EXT1: variants seen among roughly 807,000 people sequenced by gnomAD.
EXT1 encodes the protein exostosin-1.
EXT1 carries 20 observed loss-of-function variants against 82.5 expected under a neutral mutation model. The observed-to-expected ratio is 0.24, with a 90% CI of 0.17 to 0.35. The LOEUF (loss-of-function observed/expected upper bound fraction) is 0.35, where lower values mean the gene tolerates loss of function less well. Among genes scored for constraint, EXT1 ranks in the 10% least tolerant of loss-of-function variants. The probability of loss-of-function intolerance (pLI) is 1.00; values close to 1 mark genes in which losing one functional copy is unlikely to be tolerated. For synonymous variants in EXT1, 348 were observed against 350.8 expected (o/e 0.99, Z 0.09); for missense variants, 757 against 936.5 (o/e 0.81, Z 2.50).
Position 117,968,563 on chromosome 8 carries a change from T to TTTA in EXT1, c.963-131363_963-131362insTAA, listed in dbSNP as rs1469521557. On this transcript the variant is annotated intron_variant, in intron 1 of 10. Coordinates refer to ENST00000378204, the MANE Select transcript of EXT1 (RefSeq NM_000127.3). ...TTTATTTATTTATTTATTTTTTTTT[T>TTTA]TTTTTTTTTTTTTTTTTTTTTTTTG... 5.2e-4 allele frequency among the ~76,000 whole-genome samples: 5 copies of TTTA among 9,548 alleles called. No individual in the cohort carries two copies. In the East Asian group the frequency reaches 6.8e-3, roughly 13 times the overall value. 6.3% of individuals were successfully genotyped at this position (9,548 alleles called of 152,430 possible). A position where few individuals can be genotyped will look rare whatever the true frequency, so the allele number is the denominator to read the frequency against.
At chr8:117,979,691 C>T (rs931032499) in intron 1 of EXT1, among the ~76,000 whole-genome samples, 1 of 152,170 alleles carries the variant, frequency 6.6e-6, no homozygotes, top group Non-Finnish European at 1.5e-5. Context: ...GTAATCTCCA[C>T]AACAAAATGT....
chr8:117,885,641 T>C (rs866401450), intron 1 of EXT1, among the ~76,000 whole-genome samples: 1 of 152,334 alleles, frequency 6.6e-6, no homozygotes, highest in East Asian at 1.9e-4. Flanking sequence ...TAAAATGTGA[T>C]ACTGAAGTTC....
intron 1 of EXT1, among the ~76,000 whole-genome samples, chr8:118,093,268 CAAAAAAAAAAAAAA>C (rs10594150): frequency 3.0e-5 from 2 of 66,786 alleles, no homozygotes. Context: ...AAATTCCCAG[CAAAAAAAAAAAAAA>C]AAAAAAAAGA....
In EXT1 at chr8:117,852,844, C is replaced by T. The variant is rs552073160; in HGVS notation, c.963-15643G>A. ...AAAATAAAAAATCCTGTTCCTTTAC[C>T]ATTCAGAATTATGGAATTCACTGTC... is the stretch of plus-strand genomic sequence containing the variant. On this transcript the variant is annotated intron_variant, in intron 1 of 10. Transcript: ENST00000378204. Among the ~76,000 whole-genome samples the T allele has an allele frequency of 2.6e-5, 4 of 152,188 alleles. No homozygotes were observed. In the South Asian group the frequency reaches 8.3e-4, roughly 32 times the overall value.
At chr8:118,087,650 GAATTT>G (rs1817446997) in intron 1 of EXT1, among the ~76,000 whole-genome samples, 2 of 152,100 alleles carry the variant, frequency 1.3e-5, no homozygotes, top group South Asian at 4.2e-4. Flanking sequence ...TACACAGAAA[GAATTT>G]AATGACAAAC....
At chr8:117,978,077 T>G (rs1332415879) in intron 1 of EXT1, among the ~76,000 whole-genome samples, 18 of 152,254 alleles carry the variant, frequency 1.2e-4, no homozygotes, top group Non-Finnish European at 4.4e-5. Flanking sequence ...GGCAATGGAA[T>G]GCATGTCTTC....
chr8:117,892,234 A>T (rs1195468821), intron 1 of EXT1, among the ~76,000 whole-genome samples: 2 of 152,206 alleles, frequency 1.3e-5, no homozygotes, highest in Non-Finnish European at 2.9e-5. Context: ...AACACCCCAG[A>T]ACTACACAGG....
rs1823087439 is a variant in EXT1, at chr8:117,796,349, C to G, written c.*3363G>C. The stretch of plus-strand genomic sequence containing the variant: ...CCTTTAAACAGGTTTGTTCTTAAAT[C>G]AAGTGCCCTGTTTTTTTTTTTTTTA... On this transcript the variant is annotated 3_prime_UTR_variant, in exon 11 of 11. Transcript: ENST00000378204. The G allele has an allele frequency of 6.8e-6, 1 of 148,048 alleles. No individual in the cohort carries two copies. The allele number at this position is 148,048 out of a possible 1,614,324, so 9.2% of individuals were successfully genotyped here.
chr8:117,852,680 A>G (rs1353943321), intron 1 of EXT1, among the ~76,000 whole-genome samples: 1 of 152,138 alleles, frequency 6.6e-6, no homozygotes, highest in East Asian at 1.9e-4. Flanking sequence ...CATATGGACA[A>G]AATTGGGAAG....
intron 1 of EXT1, among the ~76,000 whole-genome samples, chr8:117,988,950 G>A (rs528233761): frequency 2.2e-4 from 34 of 151,684 alleles, no homozygotes; most frequent in African/African-American, 6.8e-4. Context: ...AAATCTGACA[G>A]GTGCAGTGGC....
Position 118,004,590 on chromosome 8 carries a change from A to C in EXT1, c.962+105495T>G, listed in dbSNP as rs146071452. Among the ~76,000 whole-genome samples, 215 of 152,308 alleles carry C rather than the reference A, an allele frequency of 1.4e-3. 2 individuals carry two copies. The highest frequency in any genetic ancestry group is 4.8e-3 in the African/African-American group (201 of 41,556). ...CCCACTAAACTCGGTGCCATTGATC[A>C]ATCTTTCTATCACCTTTTCCACCAC... is the stretch of plus-strand genomic sequence containing the variant. On this transcript the variant is annotated intron_variant, in intron 1 of 10. Transcript: ENST00000378204.
At chr8:117,875,420 CTAAATAAATAAATAAATAAATAAA>C (rs67268592) in intron 1 of EXT1, among the ~76,000 whole-genome samples, 6 of 139,272 alleles carry the variant, frequency 4.3e-5, no homozygotes, top group South Asian at 2.4e-4. Flanking sequence ...AACTACCTCT[CTAAATAAATAAATAAATAAATAAA>C]TAAATAAATA....
chr8:117,818,545 G>T lies in EXT1; in HGVS notation c.1537-15C>A. The T allele has an allele frequency of 6.2e-7, 1 of 1,600,538 alleles. No individual in the cohort carries two copies. Among genetic ancestry groups the T allele is most frequent in the Non-Finnish European group, 8.6e-7 (1 of 1,167,698 alleles). On this transcript the variant is annotated splice_polypyrimidine_tract_variant and intron_variant, in intron 6 of 10. Transcript: ENST00000378204. ...AGAACTATGATCTGAAAGGGATGGG[G>T]CTCATTAGATGGCTGGGGTAGGATG...
At chr8:118,063,376 A>C (rs377639431) in intron 1 of EXT1, among the ~76,000 whole-genome samples, 70 of 152,350 alleles carry the variant, frequency 4.6e-4, no homozygotes, top group African/African-American at 1.5e-3. Flanking sequence ...CAAGGCTTGC[A>C]GTGTTCATTG....
At chr8:118,091,778 C>CCTCT (rs367571195) in intron 1 of EXT1, among the ~76,000 whole-genome samples, 39 of 139,508 alleles carry the variant, frequency 2.8e-4, no homozygotes, top group African/African-American at 6.4e-4. Context: ...TCTAACTCTC[C>CCTCT]CTCTCTCTCT....
chr8:117,821,540 G>T (rs1468901994), intron 5 of EXT1, among the ~76,000 whole-genome samples: 2 of 152,168 alleles, frequency 1.3e-5, no homozygotes, highest in African/African-American at 4.8e-5. Flanking sequence ...ATTAGAGATG[G>T]TTCCCATAAC....
In EXT1 at chr8:117,987,632, G is replaced by A. The variant is rs148434476; in HGVS notation, c.962+122453C>T. ...ATCTTAGGCTCTGATGTACGTTAAA[G>A]CTCAATTTTAAAATGCTCTATGTTT... On this transcript the variant is annotated intron_variant, in intron 1 of 10. Coordinates refer to ENST00000378204, the MANE Select transcript of EXT1 (RefSeq NM_000127.3). Among the ~76,000 whole-genome samples the A allele has an allele frequency of 2.4e-3, 364 of 152,344 alleles. 3 individuals are homozygous for A. The highest frequency in any genetic ancestry group is 8.2e-4 in the Non-Finnish European group (56 of 68,034).
At position 117,882,494 on chromosome 8, in the gene EXT1, G is replaced by T. The variant is rs1813077856; in HGVS notation, c.963-45293C>A. On this transcript the variant is annotated intron_variant, in intron 1 of 10. Transcript: ENST00000378204. ...GCCTGTTAATGCCACTATGATTAAG[G>T]CTCCTTTCCTCCCCATCCCCATACT... 2.0e-5 allele frequency among the ~76,000 whole-genome samples: 3 copies of T among 152,212 alleles called. No individual in the cohort carries two copies. In the South Asian group the frequency reaches 6.2e-4, roughly 32 times the overall value.
chr8:117,953,015 T>G (rs1334557486), intron 1 of EXT1, among the ~76,000 whole-genome samples: 2 of 152,136 alleles, frequency 1.3e-5, no homozygotes, highest in Non-Finnish European at 2.9e-5. Flanking sequence ...GCCAAGAATG[T>G]CTGTGTTTTA....
Sources: allele counts gnomAD v4.1 joint callset (sites outside exome capture counted in the v4.1 genomes callset), GRCh38; gene constraint gnomAD v4.1.1; transcripts MANE v1.5; gene names NCBI Gene and HGNC (gene_info 2026-07-23, HGNC 2026-07-21).